DBF4: variants seen among roughly 807,000 people sequenced by gnomAD.
The protein encoded by DBF4 is protein DBF4 homolog A.
A neutral mutation model predicts 76.6 loss-of-function variants in DBF4; 25 were observed. The observed-to-expected ratio is 0.33, with a 90% confidence interval of 0.24 to 0.46. The LOEUF (loss-of-function observed/expected upper bound fraction) is 0.46, where lower values mean the gene tolerates loss of function less well. DBF4 is among the 20% of genes least tolerant of loss of function. The probability of loss-of-function intolerance (pLI) is 1.00; values close to 1 mark genes in which losing one functional copy is unlikely to be tolerated. For synonymous variants in DBF4, 213 were observed against 258.0 expected, an observed-to-expected ratio of 0.83 and a Z score of 1.67; for missense variants, 638 against 760.8, an observed-to-expected ratio of 0.84 and a Z score of 1.90.
chr7:87,901,909 ACT>A (rs1399618151), intron 10 of DBF4, among the ~76,000 whole-genome samples: 1 of 152,128 alleles, frequency 6.6e-6, no homozygotes. Flanking sequence ...CTGTCTTCAG[ACT>A]CTGAATTGAA....
At chr7:87,883,053 TAAAG>T (rs563723131) in intron 2 of DBF4, among the ~76,000 whole-genome samples, 115 of 152,158 alleles carry the variant, frequency 7.6e-4, no homozygotes, top group Non-Finnish European at 1.3e-3. Flanking sequence ...AGTAAATAGA[TAAAG>T]AAGAGGTTGT....
rs1448066815 is a variant in DBF4 at position 87,907,269 on chromosome 7, G to C, written c.1131G>C (p.Leu377Phe). The C allele has an allele frequency of 6.2e-7, 1 of 1,613,802 alleles. No individual in the cohort carries two copies. The highest frequency in any genetic ancestry group is 8.5e-7 in the Non-Finnish European group (1 of 1,179,900). ...CTGAACAAAAGGAAAAAGTGGAATTGCAACATATTTCTCAGAAAGATTGCC... is the reference window on the plus strand; with the variant it reads ...CTGAACAAAAGGAAAAAGTGGAATTCCAACATATTTCTCAGAAAGATTGCC... ...KKTEQKEKVE[L>F]QHISQKDCQE... is the part of the protein sequence containing the mutation. Residue 377 changes from leucine (L) to phenylalanine (F), a missense_variant, in exon 12 of 12, where the codon TTG (leucine) becomes TTC (phenylalanine). Transcript: ENST00000265728.
chr7:87,909,329 T>C lies in DBF4; in HGVS notation c.*1166T>C, dbSNP rs746820281. The C allele has an allele frequency of 1.3e-5, 2 of 152,244 alleles. No individual in the cohort carries two copies. Among genetic ancestry groups the C allele is most frequent in the Non-Finnish European group, 2.9e-5 (2 of 68,036 alleles). 9.4% of individuals were successfully genotyped at this position (152,244 alleles called of 1,614,324 possible). On this transcript the variant is annotated 3_prime_UTR_variant, in exon 12 of 12. Coordinates refer to ENST00000265728, the MANE Select transcript of DBF4 (RefSeq NM_006716.4). ...CACCAGTGACATTCAATTGGTTCTA[T>C]TGCATAGTACATGAATCTATTGTCA...
intron 10 of DBF4, among the ~76,000 whole-genome samples, chr7:87,902,605 A>G (rs1839814348): frequency 6.6e-6 from 1 of 152,228 alleles, no homozygotes; most frequent in African/African-American, 2.4e-5. Context: ...GACGCTTTAA[A>G]TTAAGACTTA....
At chr7:87,902,666 AG>A (rs887084880) in intron 10 of DBF4, among the ~76,000 whole-genome samples, 1 of 152,220 alleles carries the variant, frequency 6.6e-6, no homozygotes, top group African/African-American at 2.4e-5. Flanking sequence ...ACTAAATAAA[AG>A]TTGGAAATTT....
chr7:87,888,099 G>A, intron 6 of DBF4, 40 bp downstream of exon 6: 1 of 1,523,414 alleles, frequency 6.6e-7, no homozygotes, highest in Non-Finnish European at 8.8e-7. Context: ...ACCAAGCTTG[G>A]TTTTTTTACT....
intron 8 of DBF4, among the ~76,000 whole-genome samples, chr7:87,899,780 T>C (rs1157681851): frequency 6.6e-6 from 1 of 152,198 alleles, no homozygotes; most frequent in Non-Finnish European, 1.5e-5. Context: ...AAATACTGCA[T>C]GATTCCACTC....
At position 87,877,931 on chromosome 7, in the gene DBF4, A is replaced by G. The variant is rs139710131; in HGVS notation, c.47-122A>G. Reference sequence around the variant, plus strand: ...TAGTACTACAAAGAAATACATTTCAATGCTAATAACTTAAACTGGTAGGGT... The same window carrying G: ...TAGTACTACAAAGAAATACATTTCAGTGCTAATAACTTAAACTGGTAGGGT... On this transcript the variant is annotated intron_variant, in intron 1 of 11. Transcript: ENST00000265728. 1,450 of 818,408 alleles carry G rather than the reference A, an allele frequency of 1.8e-3. 1 individual carries two copies. Among genetic ancestry groups the G allele is most frequent in the Middle Eastern group, 4.5e-3 (12 of 2,680 alleles). 50.7% of individuals were successfully genotyped at this position (818,408 alleles called of 1,614,324 possible). A position where few individuals can be genotyped will look rare whatever the true frequency, so the allele number is the denominator to read the frequency against.
intron 2 of DBF4, among the ~76,000 whole-genome samples, chr7:87,881,182 G>A (rs1230552710): frequency 2.6e-5 from 4 of 152,130 alleles, no homozygotes; most frequent in African/African-American, 7.2e-5. Flanking sequence ...TGAGTTAGGC[G>A]GATCACTTGA....
At chr7:87,893,287 G>A (rs573162230) in intron 6 of DBF4, among the ~76,000 whole-genome samples, 6 of 143,996 alleles carry the variant, frequency 4.2e-5, no homozygotes, top group South Asian at 2.2e-4. Context: ...CGCCCAGGCC[G>A]GACTGTGGAC....
At chr7:87,899,014 AAC>A (rs1408034609) in intron 8 of DBF4, among the ~76,000 whole-genome samples, 1 of 152,198 alleles carries the variant, frequency 6.6e-6, no homozygotes, top group Non-Finnish European at 1.5e-5. Context: ...AGTCTTTTTT[AAC>A]AGTGTTGAGA....
chr7:87,877,969 T>TA, intron 1 of DBF4, 84 bp from the exon 2 acceptor site: 1 of 1,100,360 alleles, frequency 9.1e-7, no homozygotes, highest in Non-Finnish European at 1.3e-6. Flanking sequence ...TAAGGATTTT[T>TA]ATTCTGTAAT....
chr7:87,894,131 CCAGA>C (rs1192526151), intron 6 of DBF4, among the ~76,000 whole-genome samples: 2 of 152,176 alleles, frequency 1.3e-5, no homozygotes, highest in African/African-American at 2.4e-5. Flanking sequence ...GAAAATGTCA[CCAGA>C]CAATGTTAAA....
intron 6 of DBF4, 29 bp downstream of exon 6, chr7:87,888,088 G>A (rs372278483): frequency 3.3e-5 from 51 of 1,534,548 alleles, no homozygotes; most frequent in African/African-American, 3.0e-4. Context: ...TTTTTAAAGT[G>A]ACCAAGCTTG....
Position 87,907,690 on chromosome 7 carries a change from C to A in DBF4, c.1552C>A (p.Leu518Ile), listed in dbSNP as rs748704015. The A allele has an allele frequency of 3.1e-6, 5 of 1,614,046 alleles. No individual in the cohort carries two copies. The highest frequency in any genetic ancestry group is 4.2e-6 in the Non-Finnish European group (5 of 1,179,954). The change falls in exon 12 of 12, where the codon CTC (leucine) becomes ATC (isoleucine). Residue 518 changes from leucine to isoleucine, a missense_variant. Physicochemically the swap from Leu to Ile is conservative, Grantham distance 5 (BLOSUM62 2). Transcript: ENST00000265728. ...TACTGTGCTTTTTCCAGCAAAGGATCTCAAGGAAAAGGACCTTCATTCAAT... is the reference window on the plus strand; with the variant it reads ...TACTGTGCTTTTTCCAGCAAAGGATATCAAGGAAAAGGACCTTCATTCAAT... ...SDTVLFPAKD[L>I]KEKDLHSIFT...
Position 87,907,688 on chromosome 7 carries a change from A to G in DBF4, c.1550A>G (p.Asp517Gly). ...KSDTVLFPAK[D>G]LKEKDLHSIF... ...GATACTGTGCTTTTTCCAGCAAAGG[A>G]TCTCAAGGAAAAGGACCTTCATTCA... Residue 517 changes from aspartate (D) to glycine (G), a missense_variant, in exon 12 of 12, where the codon GAT becomes GGT. Asp to Gly is a moderately conservative substitution (Grantham distance 94, BLOSUM62 -1). Coordinates refer to ENST00000265728, the MANE Select transcript of DBF4 (RefSeq NM_006716.4). The G allele has an allele frequency of 1.2e-6, 2 of 1,614,090 alleles. No individual in the cohort carries two copies. The highest frequency in any genetic ancestry group is 8.5e-7 in the Non-Finnish European group (1 of 1,179,944).
intron 6 of DBF4, among the ~76,000 whole-genome samples, chr7:87,890,413 T>TTG (rs35150799): frequency 0.026 from 3,916 of 152,224 alleles, 69 homozygotes; most frequent in Non-Finnish European, 0.038. Context: ...ATGCCTGTAA[T>TTG]CCCAGCTACT....
chr7:87,887,964 C>T lies in DBF4; in HGVS notation c.521-19C>T, dbSNP rs759136643. Reference sequence around the variant, plus strand: ...AGAGTAAAATTGCTAATCTTAAAACCTTCTTTCTTTTAATAAAGACATTAG... The same window carrying T: ...AGAGTAAAATTGCTAATCTTAAAACTTTCTTTCTTTTAATAAAGACATTAG... On this transcript the variant is annotated intron_variant, in intron 5 of 11. Transcript: ENST00000265728. 12 of 1,521,232 alleles carry T rather than the reference C, an allele frequency of 7.9e-6. No homozygotes were observed. The East Asian group carries it at 2.9e-4, about 36-fold the overall frequency. The allele number at this position is 1,521,232 out of a possible 1,614,324, so 94.2% of individuals were successfully genotyped here. A position where few individuals can be genotyped will look rare whatever the true frequency, so the allele number is the denominator to read the frequency against.
At position 87,885,174 on chromosome 7, in the gene DBF4, A is replaced by G; in HGVS notation, c.399+16A>G. The G allele has an allele frequency of 6.3e-7, 1 of 1,578,690 alleles. No homozygotes were observed. The highest frequency in any genetic ancestry group is 8.6e-7 in the Non-Finnish European group (1 of 1,159,638). On this transcript the variant is annotated intron_variant, in intron 3 of 11. Coordinates refer to ENST00000265728, the MANE Select transcript of DBF4 (RefSeq NM_006716.4). ...ACCAGACACAGTAAGTCTCTTAAAT[A>G]TGCTTTGAGACTCAGAAGGGCTATA... is the stretch of plus-strand genomic sequence containing the variant.
Sources: allele counts gnomAD v4.1 joint callset (sites outside exome capture counted in the v4.1 genomes callset), GRCh38; gene constraint gnomAD v4.1.1; transcripts MANE v1.5; gene names NCBI Gene and HGNC (gene_info 2026-07-23, HGNC 2026-07-21).